The following WDR76 variants were observed in gnomAD, a reference collection of about 807,000 sequenced individuals.
WDR76 encodes WD repeat domain 76.
WDR76 carries 52 observed loss-of-function variants against 70.2 expected under a neutral mutation model. That is an observed-to-expected ratio of 0.74 (90% CI 0.59 to 0.93). The LOEUF is 0.93. Among genes scored for constraint, WDR76 ranks in the 40% least tolerant of loss-of-function variants. The pLI is 0.00. For missense variants in WDR76, 756 were observed against 760.2 expected (o/e 0.99, Z 0.07); for synonymous variants, 292 against 271.1 (o/e 1.08, Z -0.76).
At chr15:43,864,257 T>G (rs1434610341) in intron 12 of WDR76, among the ~76,000 whole-genome samples, 1 of 152,246 alleles carries the variant, frequency 6.6e-6, no homozygotes, top group Non-Finnish European at 1.5e-5. Flanking sequence ...TTCATTTCCT[T>G]TGGATATATT....
chr15:43,828,841 A>G (rs898134941), intron 2 of WDR76, among the ~76,000 whole-genome samples: 1 of 152,110 alleles, frequency 6.6e-6, no homozygotes, highest in Non-Finnish European at 1.5e-5. Context: ...GGTAAGATAC[A>G]TGAGAAACAC....
chr15:43,828,934 G>A lies in WDR76; in HGVS notation c.462+568G>A, dbSNP rs1442245513. On this transcript the variant is annotated intron_variant, in intron 2 of 12. Transcript: ENST00000263795. ...TTTTTTTTTTTGGAGACAGAGTCTC[G>A]CTCTGTCGCCCAGGCCAGAGTGCAG... Among the ~76,000 whole-genome samples the A allele has an allele frequency of 2.0e-5, 3 of 148,072 alleles. No homozygotes were observed. In the East Asian group the frequency reaches 5.9e-4, roughly 29 times the overall value.
At chr15:43,841,326 C>T (rs558587081) in intron 5 of WDR76, among the ~76,000 whole-genome samples, 6 of 151,636 alleles carry the variant, frequency 4.0e-5, no homozygotes, top group East Asian at 1.9e-4. Flanking sequence ...GCTCAGCCTC[C>T]GCTGGGACTA....
chr15:43,853,543 A>G (rs543006108), intron 9 of WDR76, among the ~76,000 whole-genome samples: 1 of 152,320 alleles, frequency 6.6e-6, no homozygotes, highest in South Asian at 2.1e-4. Context: ...GAGAACTCCT[A>G]TAGCTTAATT....
intron 8 of WDR76, among the ~76,000 whole-genome samples, chr15:43,845,541 C>T (rs2087777897): frequency 6.7e-6 from 1 of 150,242 alleles, no homozygotes; most frequent in African/African-American, 2.4e-5. Flanking sequence ...TCTTCCTAGT[C>T]ACCAGGACTG....
chr15:43,850,444 G>A (rs971115569), intron 8 of WDR76, among the ~76,000 whole-genome samples: 6 of 151,782 alleles, frequency 4.0e-5, no homozygotes, highest in South Asian at 2.1e-4. Flanking sequence ...TACAGGTGCC[G>A]GCCACCACGC....
chr15:43,831,826 C>T (rs2087593266), intron 2 of WDR76, among the ~76,000 whole-genome samples: 1 of 151,898 alleles, frequency 6.6e-6, no homozygotes, highest in Non-Finnish European at 1.5e-5. Context: ...CTTTGCATAT[C>T]AGAGAAATTT....
In WDR76 at chr15:43,858,707, CAGG is replaced by C. The variant is rs755043059; in HGVS notation, c.1449_1451del (p.Arg484del). 6.2e-7 allele frequency: 1 copy of C among 1,614,046 alleles called. No individual in the cohort carries two copies. Among genetic ancestry groups the C allele is most frequent in the Admixed American group, 1.7e-5 (1 of 59,982 alleles). On this transcript the variant is annotated inframe_deletion, in exon 11 of 13. Transcript: ENST00000263795. ...TTTATGATGCAAGGCGATTGAATTC[CAGG>C]AGAAGTCAGCCTTTGATTTCTTTGA...
At position 43,827,037 on chromosome 15, in the gene WDR76, C is replaced by G. The variant is rs191160757; in HGVS notation, c.5C>G (p.Ser2Cys). ...CGGCCGCTAAGAAGCCGAAAGATGT[C>G]CAGGTCGGGCGCGGCGGCTGAGAAG... is the stretch of plus-strand genomic sequence containing the variant. Reference protein sequence around the residue: MSRSGAAAEKAD... With the variant: MCRSGAAAEKAD... The change falls in exon 1 of 13, where the codon TCC becomes TGC. Residue 2 changes from serine (S) to cysteine (C), a missense_variant. Transcript: ENST00000263795. 2 of 1,614,076 alleles carry G rather than the reference C, an allele frequency of 1.2e-6. No individual in the cohort carries two copies. Among genetic ancestry groups the G allele is most frequent in the Non-Finnish European group, 8.5e-7 (1 of 1,180,020 alleles).
intron 2 of WDR76, among the ~76,000 whole-genome samples, chr15:43,831,857 C>T (rs536252986): frequency 1.3e-5 from 2 of 150,612 alleles, no homozygotes; most frequent in Admixed American, 6.6e-5. Flanking sequence ...TTTTTTGAGA[C>T]GGAGTCTCAC....
intron 4 of WDR76, among the ~76,000 whole-genome samples, chr15:43,838,282 T>TTC (rs2087682990): frequency 6.6e-6 from 1 of 152,164 alleles, no homozygotes; most frequent in African/African-American, 2.4e-5. Context: ...GCCTCCCAGG[T>TTC]TCAAGCAATT....
chr15:43,866,438 AAGG>A lies in WDR76; in HGVS notation c.*49_*51del. ...AATTTGTTCAAATTGACCACTGTCT[AAGG>A]AGCCTAGTAATCGGCGTGCCTTAGT... On this transcript the variant is annotated 3_prime_UTR_variant, in exon 13 of 13. Transcript: ENST00000263795. 2 of 1,604,394 alleles carry A rather than the reference AAGG, an allele frequency of 1.2e-6. No individual in the cohort carries two copies. Among genetic ancestry groups the A allele is most frequent in the South Asian group, 2.2e-5 (2 of 90,462 alleles).
Position 43,845,047 on chromosome 15 carries a change from C to T in WDR76, c.1032+993C>T, listed in dbSNP as rs556593870. On this transcript the variant is annotated intron_variant, in intron 8 of 12. Transcript: ENST00000263795. The stretch of plus-strand genomic sequence containing the variant: ...TGTGATCTCGGCTCACTGCAAGCTC[C>T]GCCTCTCAGGTTCACGCCATTCTCT... Among the ~76,000 whole-genome samples, 7 of 142,794 alleles carry T rather than the reference C, an allele frequency of 4.9e-5. 1 individual carries two copies. In the East Asian group the frequency reaches 6.1e-4, roughly 12 times the overall value. The allele number at this position is 142,794 out of a possible 152,430, so 93.7% of individuals were successfully genotyped here. A position where few individuals can be genotyped will look rare whatever the true frequency, so the allele number is the denominator to read the frequency against.
At chr15:43,834,387 A>G (rs983918122) in intron 2 of WDR76, among the ~76,000 whole-genome samples, 1 of 126,116 alleles carries the variant, frequency 7.9e-6, no homozygotes, top group African/African-American at 3.1e-5. Flanking sequence ...TGCAACCCCC[A>G]CCTCCCAGGT....
Position 43,861,400 on chromosome 15 carries a change from T to G in WDR76, c.1616+14T>G. The G allele has an allele frequency of 2.5e-6, 4 of 1,606,016 alleles. No individual in the cohort carries two copies. Among genetic ancestry groups the G allele is most frequent in the Non-Finnish European group, 3.4e-6 (4 of 1,172,670 alleles). On this transcript the variant is annotated intron_variant, in intron 12 of 12. Coordinates refer to ENST00000263795, the MANE Select transcript of WDR76 (RefSeq NM_024908.4). ...CACCACCATCAGGTAGGCTTCTATA[T>G]GCCAAATAATGTAGATGTGGATTAC...
chr15:43,829,298 A>G (rs1201274920), intron 2 of WDR76, among the ~76,000 whole-genome samples: 2 of 152,144 alleles, frequency 1.3e-5, no homozygotes, highest in African/African-American at 2.4e-5. Flanking sequence ...TACATAGCAC[A>G]TGACACAATG....
chr15:43,852,260 T>C (rs1213675989), intron 9 of WDR76, among the ~76,000 whole-genome samples: 1 of 152,128 alleles, frequency 6.6e-6, no homozygotes, highest in African/African-American at 2.4e-5. Flanking sequence ...CTCGGCTCAC[T>C]GCAACTTCTG....
Position 43,828,276 on chromosome 15 carries a change from A to C in WDR76, c.372A>C (p.Gln124His). Residue 124 changes from glutamine (Q) to histidine (H), a missense_variant, in exon 2 of 13, where the codon CAA becomes CAC. By Grantham distance (24) the Gln-to-His change is conservative. Transcript: ENST00000263795. ...TTCATACTGAAAGTAACAAGCTACA[A>C]CCCAAGAGAACGGCAGATGCGATGA... ...SAVHTESNKL[Q>H]PKRTADAMNL... is the part of the protein sequence containing the mutation. 5 of 1,614,182 alleles carry C rather than the reference A, an allele frequency of 3.1e-6. No individual in the cohort carries two copies. In the East Asian group the frequency reaches 1.1e-4, roughly 36 times the overall value.
intron 5 of WDR76, among the ~76,000 whole-genome samples, chr15:43,842,035 T>G (rs192898212): frequency 1.3e-5 from 2 of 152,124 alleles, no homozygotes; most frequent in African/African-American, 4.8e-5. Flanking sequence ...GCCCAGCAAA[T>G]TTTTGTATTT....
Sources: allele counts gnomAD v4.1 joint callset (sites outside exome capture counted in the v4.1 genomes callset), GRCh38; gene constraint gnomAD v4.1.1; transcripts MANE v1.5; gene names NCBI Gene and HGNC (gene_info 2026-07-23, HGNC 2026-07-21).